The following AGAP1 variants were observed in gnomAD, a reference collection of about 807,000 sequenced individuals.
The protein encoded by AGAP1 is arf-GAP with GTPase, ANK repeat and PH domain-containing protein 1.
A neutral mutation model predicts 105.3 loss-of-function variants in AGAP1; 29 were observed. The ratio of observed to expected loss-of-function variants is 0.28; its 90% CI spans 0.21 to 0.38. The LOEUF (loss-of-function observed/expected upper bound fraction) is 0.38, where lower values mean the gene tolerates loss of function less well. Among genes scored for constraint, AGAP1 ranks in the 10% least tolerant of loss-of-function variants. The pLI is 1.00. For missense variants in AGAP1, 998 were observed against 1,165.1 expected (o/e 0.86, Z 2.09); for synonymous variants, 509 against 485.9 (o/e 1.05, Z -0.63).
In AGAP1 at chr2:235,879,665, C is replaced by T. The variant is rs1260895183; in HGVS notation, c.1051-3680C>T. Reference sequence around the variant, plus strand: ...CTAAGCGAGGCATGGTGGCTCACTCCCCTGTTACCCCAGCACTTCTGGGAA... The same window carrying T: ...CTAAGCGAGGCATGGTGGCTCACTCTCCTGTTACCCCAGCACTTCTGGGAA... On this transcript the variant is annotated intron_variant, in intron 9 of 17. Coordinates refer to ENST00000304032, the MANE Select transcript of AGAP1 (RefSeq NM_001037131.3). This position sits in a 1 kb window ranked among gnomAD's most constrained non-coding sequence, Gnocchi z 5.0. Among the ~76,000 whole-genome samples, 2 of 152,074 alleles carry T rather than the reference C, an allele frequency of 1.3e-5. No individual in the cohort carries two copies. The highest frequency in any genetic ancestry group is 3.9e-4 in the East Asian group (2 of 5,180).
At chr2:236,018,356 G>C (rs1311553672) in intron 13 of AGAP1, among the ~76,000 whole-genome samples, 1 of 152,228 alleles carries the variant, frequency 6.6e-6, no homozygotes, top group East Asian at 1.9e-4. Context: ...ATGTATTGGA[G>C]AAAGAACAAA....
At chr2:235,711,476 C>G (rs552641175) in intron 2 of AGAP1, among the ~76,000 whole-genome samples, 34 of 152,228 alleles carry the variant, frequency 2.2e-4, no homozygotes, top group Non-Finnish European at 2.6e-4. Flanking sequence ...GAGACAGTTG[C>G]GTTTGAGGCA....
chr2:235,703,807 G>C (rs1324251051), intron 1 of AGAP1, among the ~76,000 whole-genome samples: 2 of 152,098 alleles, frequency 1.3e-5, no homozygotes, highest in South Asian at 2.1e-4. Flanking sequence ...ATGTTGACGA[G>C]GCTAGTCTGG....
rs2054273108 is a variant in AGAP1 at position 235,963,561 on chromosome 2, T to C, written c.1484-4901T>C. Among the ~76,000 whole-genome samples the C allele has an allele frequency of 6.6e-6, 1 of 152,222 alleles. No homozygotes were observed. Among genetic ancestry groups the C allele is most frequent in the African/African-American group, 2.4e-5 (1 of 41,458 alleles). ...TCAGCAGAGTATTTGACAAGATTTT[T>C]CCTTGGTTTCCTCATAGGCAAGTTG... On this transcript the variant is annotated intron_variant, in intron 12 of 17. Coordinates refer to ENST00000304032, the MANE Select transcript of AGAP1 (RefSeq NM_001037131.3). This position sits in a 1 kb window ranked among gnomAD's most constrained non-coding sequence, Gnocchi z 5.1.
At chr2:235,514,398 G>A (rs1228986615) in intron 1 of AGAP1, among the ~76,000 whole-genome samples, 2 of 152,250 alleles carry the variant, frequency 1.3e-5, no homozygotes, top group African/African-American at 4.8e-5. Flanking sequence ...TGGAAATGGA[G>A]TTGCCTCGCT....
At chr2:236,122,745 C>T (rs950856736) in intron 17 of AGAP1, among the ~76,000 whole-genome samples, 3 of 141,066 alleles carry the variant, frequency 2.1e-5, no homozygotes, top group Non-Finnish European at 3.0e-5. Context: ...TGCAGTGGCA[C>T]GATCTCGGCT....
chr2:235,933,018 C>T (rs1475409324), intron 12 of AGAP1, among the ~76,000 whole-genome samples: 1 of 152,188 alleles, frequency 6.6e-6, no homozygotes, highest in Non-Finnish European at 1.5e-5. Context: ...CCTCGTAAAT[C>T]TTGAACCCTG....
chr2:235,937,596 G>T (rs1393700697), intron 12 of AGAP1, among the ~76,000 whole-genome samples: 1 of 152,234 alleles, frequency 6.6e-6, no homozygotes, highest in South Asian at 2.1e-4. Flanking sequence ...TAAACAGGGA[G>T]TAGAGAAGGA....
In AGAP1 at chr2:236,105,550, C is replaced by CTTTT. The variant is rs71039711; in HGVS notation, c.2115-14622_2115-14619dup. 2.5e-5 allele frequency among the ~76,000 whole-genome samples: 2 copies of CTTTT among 81,314 alleles called. No individual in the cohort carries two copies. Among genetic ancestry groups the CTTTT allele is most frequent in the African/African-American group, 1.1e-4 (2 of 17,484 alleles). The allele number at this position is 81,314 out of a possible 152,430, so 53.3% of individuals were successfully genotyped here. A position where few individuals can be genotyped will look rare whatever the true frequency, so the allele number is the denominator to read the frequency against. The stretch of plus-strand genomic sequence containing the variant: ...GAGAGGAGAGGGGCATCTCTCGTGT[C>CTTTT]TTTTTTTTTTTTTTTTTTTTTTTGA... On this transcript the variant is annotated intron_variant, in intron 16 of 17. Coordinates refer to ENST00000304032, the MANE Select transcript of AGAP1 (RefSeq NM_001037131.3). This position sits in a 1 kb window ranked among gnomAD's most constrained non-coding sequence, Gnocchi z 4.2.
chr2:235,909,760 C>T (rs1362743840), intron 11 of AGAP1, among the ~76,000 whole-genome samples: 1 of 152,188 alleles, frequency 6.6e-6, no homozygotes, highest in Non-Finnish European at 1.5e-5. Flanking sequence ...GTGGCTCACA[C>T]CTATAATCCC....
chr2:235,758,875 C>T (rs1478038518), intron 6 of AGAP1, among the ~76,000 whole-genome samples: 1 of 152,204 alleles, frequency 6.6e-6, no homozygotes, highest in Non-Finnish European at 1.5e-5. Context: ...TCACTGCAAC[C>T]TCTGCCTTCT....
chr2:235,861,353 T>A (rs2048920683), intron 9 of AGAP1, among the ~76,000 whole-genome samples: 1 of 152,206 alleles, frequency 6.6e-6, no homozygotes. Context: ...AAGTGCCGTT[T>A]TGACCACTGC....
At chr2:235,819,967 G>A (rs533654963) in intron 9 of AGAP1, among the ~76,000 whole-genome samples, 3 of 147,028 alleles carry the variant, frequency 2.0e-5, no homozygotes, top group African/African-American at 7.5e-5. Context: ...GCAATGGTGC[G>A]ATCTCAGCTC....
rs1947987993 is a variant in AGAP1 at position 235,662,422 on chromosome 2, C to T, written c.164-46757C>T. ...CAGAGTGCGTCCATGGAGGGGAGGA[C>T]TCACAGCAGTTTTGAAGTAATGTAG... On this transcript the variant is annotated intron_variant, in intron 1 of 17. Transcript: ENST00000304032. This position sits in a 1 kb window ranked among gnomAD's most constrained non-coding sequence, Gnocchi z 4.2. Among the ~76,000 whole-genome samples, 1 of 152,114 alleles carries T rather than the reference C, an allele frequency of 6.6e-6. No individual in the cohort carries two copies. Among genetic ancestry groups the T allele is most frequent in the Non-Finnish European group, 1.5e-5 (1 of 68,036 alleles).
chr2:236,066,361 G>A (rs1450337536), intron 16 of AGAP1, among the ~76,000 whole-genome samples: 1 of 152,100 alleles, frequency 6.6e-6, no homozygotes, highest in Admixed American at 6.6e-5. Flanking sequence ...GAGTAGTTGG[G>A]ACTACAGACA....
At chr2:235,764,663 CCG>C (rs1954766228) in intron 6 of AGAP1, among the ~76,000 whole-genome samples, 1 of 150,296 alleles carries the variant, frequency 6.7e-6, no homozygotes, top group East Asian at 2.0e-4. Flanking sequence ...CTGGGAGCGC[CCG>C]TGGGGTGGGG....
At position 235,787,791 on chromosome 2, in the gene AGAP1, A is replaced by G. The variant is rs1334277584; in HGVS notation, c.674-9968A>G. 3.3e-5 allele frequency among the ~76,000 whole-genome samples: 5 copies of G among 152,188 alleles called. No homozygotes were observed. The highest frequency in any genetic ancestry group is 4.8e-5 in the African/African-American group (2 of 41,440). On this transcript the variant is annotated intron_variant, in intron 6 of 17. Transcript: ENST00000304032. The surrounding 1 kb of genome is among the most constrained non-coding windows in gnomAD (Gnocchi z 4.4). ...TCTGTGAGGACTTGCTTAATTCTGC[A>G]TTGACCAAGAGCAAGCTGAAGAGCA... is the stretch of plus-strand genomic sequence containing the variant.
intron 2 of AGAP1, 108 bp from the exon 3 acceptor site, chr2:235,717,449 T>G (rs1951172818): frequency 2.4e-6 from 2 of 848,872 alleles, no homozygotes; most frequent in Admixed American, 6.5e-5. Context: ...AGCCAGTGCT[T>G]GGTTATGTTT....
At chr2:235,683,776 G>A (rs1949222470) in intron 1 of AGAP1, among the ~76,000 whole-genome samples, 1 of 151,464 alleles carries the variant, frequency 6.6e-6, no homozygotes, top group Non-Finnish European at 1.5e-5. Context: ...GTATACATGT[G>A]CCATGTTGGC....
Sources: allele counts gnomAD v4.1 joint callset (sites outside exome capture counted in the v4.1 genomes callset), GRCh38; gene constraint gnomAD v4.1.1; non-coding constraint Gnocchi (gnomAD v3.1); transcripts MANE v1.5; gene names NCBI Gene and HGNC (gene_info 2026-07-23, HGNC 2026-07-21).